Variants in EGFR observed in about 807,000 individuals in gnomAD.
EGFR encodes epidermal growth factor receptor, also known as avian erythroblastic leukemia viral (v-erb-b) oncogene homolog.
EGFR carries 58 observed loss-of-function variants against 143.0 expected under a neutral mutation model. The ratio of observed to expected loss-of-function variants is 0.41; its 90% CI spans 0.33 to 0.50. The LOEUF (loss-of-function observed/expected upper bound fraction) is 0.50, where lower values mean the gene tolerates loss of function less well. Ranked by LOEUF, EGFR falls within the 20% of genes least tolerant of loss-of-function variation. The pLI, the probability that EGFR is intolerant of heterozygous loss-of-function variation, is 0.39. For missense variants in EGFR, 1,307 were observed against 1,579.0 expected, an observed-to-expected ratio of 0.83 and a Z score of 2.92; for synonymous variants, 613 against 594.4, an observed-to-expected ratio of 1.03 and a Z score of -0.45.
intron 1 of EGFR, among the ~76,000 whole-genome samples, chr7:55,087,698 A>T (rs149863094): frequency 6.6e-6 from 1 of 152,186 alleles, no homozygotes; most frequent in Admixed American, 6.5e-5. Flanking sequence ...TTATTAGAGC[A>T]TGAACACCCA....
At chr7:55,092,774 G>A (rs963177316) in intron 1 of EGFR, among the ~76,000 whole-genome samples, 4 of 152,264 alleles carry the variant, frequency 2.6e-5, no homozygotes, top group Non-Finnish European at 5.9e-5. Flanking sequence ...CCCGGCGTCA[G>A]CCGCTCCTGG....
intron 1 of EGFR, among the ~76,000 whole-genome samples, chr7:55,023,627 C>A (rs6969716): frequency 2.2e-5 from 3 of 134,060 alleles, no homozygotes; most frequent in Non-Finnish European, 3.1e-5. Flanking sequence ...CTCCAGCCCG[C>A]GCGACAGTGT....
chr7:55,128,892 T>C (rs1271146261), intron 1 of EGFR, among the ~76,000 whole-genome samples: 1 of 152,226 alleles, frequency 6.6e-6, no homozygotes, highest in Non-Finnish European at 1.5e-5. Context: ...ACAGATTCCA[T>C]TTTCATTACT....
At chr7:55,200,227 C>A in intron 23 of EGFR, 89 bp from the exon 24 acceptor site, 1 of 1,219,258 alleles carries the variant, frequency 8.2e-7, no homozygotes, top group South Asian at 1.2e-5. Context: ...CTGGAAGTGT[C>A]GCATCACCAA....
At chr7:55,115,693 C>T (rs1344339290) in intron 1 of EGFR, among the ~76,000 whole-genome samples, 1 of 152,134 alleles carries the variant, frequency 6.6e-6, no homozygotes. Flanking sequence ...CAGTGACTTA[C>T]CTATGCAGAG....
chr7:55,191,911 G>A (rs372812795), intron 21 of EGFR, 37 bp downstream of exon 21: 28 of 1,610,926 alleles, frequency 1.7e-5, no homozygotes, highest in Non-Finnish European at 2.3e-5. Context: ...GCATTTTCCT[G>A]ACACCAGGGA....
rs17290033 is a variant in EGFR at position 55,160,941 on chromosome 7, TC to T, written c.1499-556del. On this transcript the variant is annotated intron_variant, in intron 12 of 27. Transcript: ENST00000275493. ...GTGCTTTGAGAGAATTCAGTGAAAT[TC>T]CTGTGTGTAAAACCCTTCCATGGTG... Among the ~76,000 whole-genome samples, 1,240 of 152,306 alleles carry T rather than the reference TC, an allele frequency of 8.1e-3. 23 individuals carry two copies. The highest frequency in any genetic ancestry group is 0.028 in the African/African-American group (1,160 of 41,562).
At chr7:55,102,715 T>C (rs1373727659) in intron 1 of EGFR, among the ~76,000 whole-genome samples, 1 of 152,216 alleles carries the variant, frequency 6.6e-6, no homozygotes, top group Non-Finnish European at 1.5e-5. Context: ...ATACCACATG[T>C]ATAATGTGTA....
chr7:55,208,833 G>A lies in EGFR; in HGVS notation c.*3216G>A, dbSNP rs1232196584. On this transcript the variant is annotated 3_prime_UTR_variant, in exon 28 of 28. Coordinates refer to ENST00000275493, the MANE Select transcript of EGFR (RefSeq NM_005228.5). ...TGGTTCTCAAGGGCGGCTGCCCTTG[G>A]GAATCTTCTGGTCCCAACCAGAAAG... The A allele has an allele frequency of 6.6e-6, 1 of 152,126 alleles. No homozygotes were observed. Among genetic ancestry groups the A allele is most frequent in the African/African-American group, 2.4e-5 (1 of 41,432 alleles). The allele number at this position is 152,126 out of a possible 1,614,324, so 9.4% of individuals were successfully genotyped here. A position where few individuals can be genotyped will look rare whatever the true frequency, so the allele number is the denominator to read the frequency against.
intron 24 of EGFR, 49 bp downstream of exon 24, chr7:55,200,462 C>A (rs761627080): frequency 9.1e-6 from 14 of 1,546,262 alleles, no homozygotes; most frequent in Middle Eastern, 1.7e-4. Context: ...CTCTAATGAG[C>A]ATCTCATGTC....
chr7:55,062,401 G>T (rs1789237305), intron 1 of EGFR, among the ~76,000 whole-genome samples: 1 of 152,074 alleles, frequency 6.6e-6, no homozygotes, highest in South Asian at 2.1e-4. Context: ...AGACATGGAG[G>T]ACTCCCGACC....
intron 11 of EGFR, among the ~76,000 whole-genome samples, chr7:55,159,329 G>C (rs975746598): frequency 3.3e-5 from 5 of 152,144 alleles, no homozygotes; most frequent in African/African-American, 1.2e-4. Flanking sequence ...GGGGCTAGTG[G>C]TTCTCATGTC....
intron 1 of EGFR, among the ~76,000 whole-genome samples, chr7:55,042,621 G>A (rs962445839): frequency 6.6e-6 from 1 of 151,956 alleles, no homozygotes; most frequent in Non-Finnish European, 1.5e-5. Context: ...CTACGTATGT[G>A]CACGAGGTCG....
intron 1 of EGFR, among the ~76,000 whole-genome samples, chr7:55,026,685 C>T (rs886611916): frequency 6.6e-6 from 1 of 152,154 alleles, no homozygotes; most frequent in African/African-American, 2.4e-5. Context: ...CTTGCCTCCT[C>T]CCAGAGATAT....
rs552969232 is a variant in EGFR, at chr7:55,097,571, A to G, written c.89-44715A>G. On this transcript the variant is annotated intron_variant, in intron 1 of 27. Coordinates refer to ENST00000275493, the MANE Select transcript of EGFR (RefSeq NM_005228.5). ...ACTGGCAGTGTCTATAATTTATATT[A>G]TGAAATTTGCATAAGGAAAACATTT... Among the ~76,000 whole-genome samples the G allele has an allele frequency of 3.9e-5, 6 of 152,338 alleles. No individual in the cohort carries two copies. In the East Asian group the frequency reaches 1.2e-3, roughly 29 times the overall value.
In EGFR at chr7:55,068,865, T is replaced by C. The variant is rs117550328; in HGVS notation, c.88+49500T>C. 3.8e-3 allele frequency among the ~76,000 whole-genome samples: 580 copies of C among 152,136 alleles called. 4 individuals carry two copies. Among genetic ancestry groups the C allele is most frequent in the Admixed American group, 0.016 (243 of 15,288 alleles). Reference sequence around the variant, plus strand: ...CATCCACACCAACTTTAGGAATGTGTAGAAAGAAGGGTCAGGGACAGGGGT... The same window carrying C: ...CATCCACACCAACTTTAGGAATGTGCAGAAAGAAGGGTCAGGGACAGGGGT... On this transcript the variant is annotated intron_variant, in intron 1 of 27. Coordinates refer to ENST00000275493, the MANE Select transcript of EGFR (RefSeq NM_005228.5).
chr7:55,141,110 A>G (rs111628819), intron 1 of EGFR, among the ~76,000 whole-genome samples: 1 of 152,356 alleles, frequency 6.6e-6, no homozygotes, highest in African/African-American at 2.4e-5. Context: ...CTGTGATTGC[A>G]GAAGTGCCTT....
At chr7:55,025,708 T>A (rs1159121218) in intron 1 of EGFR, among the ~76,000 whole-genome samples, 2 of 152,324 alleles carry the variant, frequency 1.3e-5, no homozygotes, top group Non-Finnish European at 2.9e-5. Flanking sequence ...GTTTCCTGGC[T>A]CCACCTGTCT....
intron 1 of EGFR, among the ~76,000 whole-genome samples, chr7:55,140,062 TG>T (rs1278855071): frequency 1.3e-5 from 2 of 151,758 alleles, no homozygotes; most frequent in Admixed American, 6.5e-5. Flanking sequence ...GGGGGTCATT[TG>T]GGGCTTATTT....
Sources: allele counts gnomAD v4.1 joint callset (sites outside exome capture counted in the v4.1 genomes callset), GRCh38; gene constraint gnomAD v4.1.1; transcripts MANE v1.5; gene names NCBI Gene and HGNC (gene_info 2026-07-23, HGNC 2026-07-21).